Variants in NRDC observed in about 807,000 individuals in gnomAD.
The protein encoded by NRDC is nardilysin.
In NRDC, 54 loss-of-function variants were observed where a neutral mutation model predicts 147.1. The ratio of observed to expected loss-of-function variants is 0.37; its 90% CI spans 0.29 to 0.46. The LOEUF (loss-of-function observed/expected upper bound fraction) is 0.46. NRDC is among the 20% of genes least tolerant of loss of function. NRDC has a pLI of 1.00. For synonymous variants in NRDC, 440 were observed against 482.1 expected, an observed-to-expected ratio of 0.91 and a Z score of 1.14; for missense variants, 1,082 against 1,370.6, an observed-to-expected ratio of 0.79 and a Z score of 3.33.
chr1:51,857,467 A>G (rs1446654488), intron 1 of NRDC, among the ~76,000 whole-genome samples: 1 of 152,172 alleles, frequency 6.6e-6, no homozygotes, highest in African/African-American at 2.4e-5. Context: ...GTTAAATTTA[A>G]TATGTCTAAG....
chr1:51,865,805 C>T (rs1682777038), intron 1 of NRDC, among the ~76,000 whole-genome samples: 1 of 151,716 alleles, frequency 6.6e-6, no homozygotes, highest in Non-Finnish European at 1.5e-5. Flanking sequence ...GTATTCCCAG[C>T]ACTTTGGGAG....
At chr1:51,800,805 A>G in intron 20 of NRDC, 122 bp from the exon 21 acceptor site, 1 of 918,894 alleles carries the variant, frequency 1.1e-6, no homozygotes, top group Non-Finnish European at 1.6e-6. Context: ...GTGGGGGGAC[A>G]TAAGAAAATT....
chr1:51,878,051 A>C, intron 1 of NRDC: 1 of 1,390,770 alleles, frequency 7.2e-7, no homozygotes, highest in South Asian at 1.7e-5. Flanking sequence ...TGACTCGAAA[A>C]GCTTCTCCCA....
intron 4 of NRDC, among the ~76,000 whole-genome samples, chr1:51,832,560 C>T (rs1392572308): frequency 1.3e-5 from 2 of 152,044 alleles, no homozygotes; most frequent in Non-Finnish European, 2.9e-5. Flanking sequence ...ACTAGACAAA[C>T]GTGAGGTTTC....
At chr1:51,864,949 T>TA (rs76818656) in intron 1 of NRDC, among the ~76,000 whole-genome samples, 9,276 of 133,750 alleles carry the variant, frequency 0.069, 329 homozygotes, top group African/African-American at 0.1. Context: ...GACCTGGTCT[T>TA]AAAAAAAAAA....
rs2124168774 is a variant in NRDC, at chr1:51,878,458, C to T, written c.158G>A (p.Arg53Lys). The change falls in exon 1 of 31, where the codon AGG becomes AAG. Residue 53 changes from arginine to lysine, a missense_variant. By Grantham distance (26) the Arg-to-Lys change is conservative. This residue lies in a region of NRDC where 260 missense variants were observed against 253.2 expected (regional missense o/e 1.03). Coordinates refer to ENST00000352171, the MANE Select transcript of NRDC (RefSeq NM_001101662.2). ...RPFPILAMPG[R>K]NKAKSTCSCP... ...GCTGCAGGTAGACTTCGCCTTGTTC[C>T]TTCCAGGCATGGCCAGAATAGGAAA... 3 of 1,614,072 alleles carry T rather than the reference C, an allele frequency of 1.9e-6. No homozygotes were observed. The highest frequency in any genetic ancestry group is 2.5e-6 in the Non-Finnish European group (3 of 1,180,042).
chr1:51,844,314 G>A (rs1366894356), intron 1 of NRDC, among the ~76,000 whole-genome samples: 3 of 152,026 alleles, frequency 2.0e-5, no homozygotes, highest in African/African-American at 7.2e-5. Flanking sequence ...CCTTTAAAGA[G>A]GTAATTAAGC....
intron 29 of NRDC, among the ~76,000 whole-genome samples, chr1:51,790,155 A>G (rs899870741): frequency 1.3e-5 from 2 of 152,218 alleles, no homozygotes; most frequent in South Asian, 2.1e-4. Flanking sequence ...CATAGGTTTT[A>G]CTACTTTGGA....
intron 1 of NRDC, among the ~76,000 whole-genome samples, chr1:51,860,954 T>C (rs1682501306): frequency 1.3e-5 from 2 of 150,728 alleles, no homozygotes; most frequent in East Asian, 1.9e-4. Context: ...ATTACTTCTT[T>C]TTTTTTTTTT....
intron 1 of NRDC, among the ~76,000 whole-genome samples, chr1:51,866,650 T>C (rs12747259): frequency 0.045 from 6,848 of 151,808 alleles, 190 homozygotes; most frequent in Middle Eastern, 0.066. Context: ...ATAACTAGAA[T>C]TACACTTATT....
chr1:51,800,459 T>C, intron 21 of NRDC, 97 bp downstream of exon 21: 1 of 1,329,436 alleles, frequency 7.5e-7, no homozygotes, highest in South Asian at 1.4e-5. Context: ...GGATGAAAAT[T>C]AGCACTGCAA....
At chr1:51,845,946 C>G (rs1287730668) in intron 1 of NRDC, among the ~76,000 whole-genome samples, 3 of 151,540 alleles carry the variant, frequency 2.0e-5, no homozygotes, top group Non-Finnish European at 4.4e-5. Flanking sequence ...GAGACAAAAT[C>G]TAACACCTAA....
At chr1:51,815,432 G>A (rs1450026430) in intron 11 of NRDC, among the ~76,000 whole-genome samples, 1 of 152,096 alleles carries the variant, frequency 6.6e-6, no homozygotes, top group Non-Finnish European at 1.5e-5. Flanking sequence ...TACATAGGTT[G>A]TCTAAGAAAG....
At chr1:51,804,206 T>C (rs1424141983) in intron 19 of NRDC, among the ~76,000 whole-genome samples, 1 of 152,212 alleles carries the variant, frequency 6.6e-6, no homozygotes, top group Non-Finnish European at 1.5e-5. Context: ...ATAATATTTA[T>C]ATTGTACAAT....
chr1:51,827,909 C>G, intron 4 of NRDC, 40 bp from the exon 5 acceptor site: 1 of 1,499,186 alleles, frequency 6.7e-7, no homozygotes, highest in South Asian at 1.1e-5. Flanking sequence ...TTTTTGTTCA[C>G]TTTCATCAAT....
chr1:51,793,869 G>T (rs1428074752), intron 24 of NRDC: 1 of 152,394 alleles, frequency 6.6e-6, no homozygotes, highest in Non-Finnish European at 1.5e-5. Context: ...GTTAAAGCAG[G>T]CTATAGGCTA....
chr1:51,875,669 TA>T (rs1247554539), intron 1 of NRDC, among the ~76,000 whole-genome samples: 3 of 152,202 alleles, frequency 2.0e-5, no homozygotes, highest in African/African-American at 7.2e-5. Context: ...GGAATCTTCC[TA>T]CCTCAGCTTC....
chr1:51,800,731 G>C (rs1557900056), intron 20 of NRDC, 48 bp from the exon 21 acceptor site: 1 of 1,576,872 alleles, frequency 6.3e-7, no homozygotes, highest in African/African-American at 1.4e-5. Context: ...AAATCCACTA[G>C]GTATTAGGGA....
At chr1:51,872,745 G>A (rs979167129) in intron 1 of NRDC, among the ~76,000 whole-genome samples, 2 of 152,136 alleles carry the variant, frequency 1.3e-5, no homozygotes, top group Non-Finnish European at 2.9e-5. Flanking sequence ...CTAAGGAATA[G>A]TAAGAGACAA....
Sources: gnomAD v4.1 joint callset for allele counts (sites outside exome capture counted in the v4.1 genomes callset) on GRCh38, gnomAD v4.1.1 for gene constraint, gnomAD v4.1.1 regional missense constraint, MANE v1.5 for transcripts, NCBI Gene and HGNC (gene_info 2026-07-23, HGNC 2026-07-21) for gene names.